Variants in MEGF6 observed in about 807,000 individuals in gnomAD.
MEGF6 encodes multiple epidermal growth factor-like domains protein 6.
In MEGF6, 184 loss-of-function variants were observed where a neutral mutation model predicts 207.1. The ratio of observed to expected loss-of-function variants is 0.89; its 90% CI spans 0.79 to 1.00. The LOEUF (loss-of-function observed/expected upper bound fraction) is 1.00, where lower values mean the gene tolerates loss of function less well. Ranked by LOEUF, MEGF6 falls within the 50% of genes least tolerant of loss-of-function variation. The pLI, the probability that MEGF6 is intolerant of heterozygous loss-of-function variation, is 0.00. For synonymous variants in MEGF6, 1,038 were observed against 910.0 expected (o/e 1.14, Z -2.53); for missense variants, 2,282 against 2,202.9 (o/e 1.04, Z -0.72).
chr1:3,543,565 C>A (rs1642598897), intron 4 of MEGF6, among the ~76,000 whole-genome samples: 1 of 152,210 alleles, frequency 6.6e-6, no homozygotes, highest in Non-Finnish European at 1.5e-5. Flanking sequence ...GGGGTGAGAA[C>A]CCCCGGGCGG....
At chr1:3,534,120 C>A (rs989885815) in intron 4 of MEGF6, among the ~76,000 whole-genome samples, 2 of 152,120 alleles carry the variant, frequency 1.3e-5, no homozygotes, top group African/African-American at 4.8e-5. Context: ...TACGGCCAGC[C>A]GGAGCCCACA....
At chr1:3,493,317 C>G (rs1031957411) in intron 34 of MEGF6, 1 of 228,898 alleles carries the variant, frequency 4.4e-6, no homozygotes, top group Non-Finnish European at 8.7e-6. Context: ...GTGGGTCCCT[C>G]CTATCCTCAG....
chr1:3,593,492 C>A (rs866323851), intron 3 of MEGF6, among the ~76,000 whole-genome samples: 1 of 146,598 alleles, frequency 6.8e-6, no homozygotes, highest in Non-Finnish European at 1.5e-5. Flanking sequence ...GCCATTCATG[C>A]GGCTGTGCCT....
intron 4 of MEGF6, among the ~76,000 whole-genome samples, chr1:3,553,751 G>T (rs955248059): frequency 1.3e-5 from 2 of 152,198 alleles, no homozygotes; most frequent in African/African-American, 4.8e-5. Flanking sequence ...GGAGAGGCAG[G>T]GCAGCGGCAG....
At chr1:3,505,128 C>A in intron 17 of MEGF6, 80 bp downstream of exon 17, 1 of 1,556,742 alleles carries the variant, frequency 6.4e-7, no homozygotes, top group Non-Finnish European at 8.7e-7. Flanking sequence ...TGCAGCCCTT[C>A]TGAAGCCTAC....
intron 4 of MEGF6, among the ~76,000 whole-genome samples, chr1:3,529,648 C>A (rs922368497): frequency 1.3e-5 from 2 of 152,340 alleles, no homozygotes; most frequent in Admixed American, 6.5e-5. Flanking sequence ...TCACCAGGAG[C>A]CTGGCGAGAC....
At chr1:3,595,047 C>T (rs1035060128) in intron 3 of MEGF6, among the ~76,000 whole-genome samples, 3 of 152,114 alleles carry the variant, frequency 2.0e-5, no homozygotes, top group African/African-American at 7.2e-5. Flanking sequence ...CAATGCATGG[C>T]CCCAGGAAAC....
chr1:3,509,730 T>C (rs1641262043), intron 11 of MEGF6, 140 bp downstream of exon 11: 1 of 1,153,506 alleles, frequency 8.7e-7, no homozygotes, highest in Non-Finnish European at 1.2e-6. Flanking sequence ...GCCTCTGAGG[T>C]GTGTTGGCCC....
At chr1:3,517,492 G>A (rs570348287) in intron 5 of MEGF6, among the ~76,000 whole-genome samples, 98 of 152,346 alleles carry the variant, frequency 6.4e-4, no homozygotes, top group African/African-American at 2.2e-3. Context: ...GCCCAGTGTC[G>A]TCGCATATAT....
At chr1:3,490,694 G>T in intron 36 of MEGF6, 105 bp from the exon 37 acceptor site, 1 of 1,056,100 alleles carries the variant, frequency 9.5e-7, no homozygotes, top group Non-Finnish European at 1.3e-6. Flanking sequence ...CCCTTCAGCA[G>T]CTCAGCCCAG....
chr1:3,524,098 A>G, intron 5 of MEGF6, 26 bp downstream of exon 5: 6 of 1,606,914 alleles, frequency 3.7e-6, no homozygotes, highest in African/African-American at 1.3e-5. Flanking sequence ...CCAGGAGCCC[A>G]GGCAGGGTCT....
intron 1 of MEGF6, among the ~76,000 whole-genome samples, chr1:3,610,381 G>A (rs1282463121): frequency 6.6e-6 from 1 of 152,188 alleles, no homozygotes; most frequent in African/African-American, 2.4e-5. Context: ...CGGGGAGGCT[G>A]TCAGACAGGA....
chr1:3,527,799 G>A (rs543563128), intron 4 of MEGF6, among the ~76,000 whole-genome samples: 18 of 152,278 alleles, frequency 1.2e-4, no homozygotes, highest in African/African-American at 4.1e-4. Context: ...CCCCGAGAGG[G>A]TCTCTGAAAA....
At chr1:3,577,727 T>C (rs1331534643) in intron 4 of MEGF6, among the ~76,000 whole-genome samples, 1 of 152,148 alleles carries the variant, frequency 6.6e-6, no homozygotes, top group Non-Finnish European at 1.5e-5. Context: ...GCAGGGAACC[T>C]GAGTGCACCC....
rs79544802 is a variant in MEGF6 at position 3,590,981 on chromosome 1, G to A, written c.376+4357C>T. Among the ~76,000 whole-genome samples the A allele has an allele frequency of 9.6e-3, 1,426 of 148,864 alleles. 34 individuals carry two copies. The East Asian group carries it at 0.12, about 13-fold the overall frequency. ...AGCAGGGAGGACCCTGGCTGGGCGC[G>A]GCCCCAGTGCCCACAGGCACACTGG... On this transcript the variant is annotated intron_variant, in intron 3 of 36. Transcript: ENST00000356575.
chr1:3,592,314 G>GC lies in MEGF6; in HGVS notation c.376+3023dup, dbSNP rs1159682667. ...GGGGAGGTCCAAAAGCCTTGGCCAG[G>GC]CCCCCCGCTGACCCTGACTCACTGC... On this transcript the variant is annotated intron_variant, in intron 3 of 36. Transcript: ENST00000356575. Among the ~76,000 whole-genome samples, 10 of 152,254 alleles carry GC rather than the reference G, an allele frequency of 6.6e-5. No homozygotes were observed. In the East Asian group the frequency reaches 1.9e-3, roughly 29 times the overall value.
At chr1:3,505,627 C>T in intron 15 of MEGF6, 71 bp from the exon 16 acceptor site, 1 of 1,463,482 alleles carries the variant, frequency 6.8e-7, no homozygotes, top group South Asian at 1.4e-5. Context: ...TCCACCAGCC[C>T]TGGGTCAGCC....
At chr1:3,541,615 G>A (rs1642524147) in intron 4 of MEGF6, among the ~76,000 whole-genome samples, 1 of 152,116 alleles carries the variant, frequency 6.6e-6, no homozygotes, top group Non-Finnish European at 1.5e-5. Context: ...GCCCGAGGGG[G>A]GCAGCCGGTC....
intron 2 of MEGF6, among the ~76,000 whole-genome samples, chr1:3,598,701 C>T (rs1029590011): frequency 7.1e-6 from 1 of 141,462 alleles, no homozygotes; most frequent in African/African-American, 2.7e-5. Flanking sequence ...GGGCGGGGGT[C>T]GTCATGGTAA....
Sources: gnomAD v4.1 joint callset for allele counts (sites outside exome capture counted in the v4.1 genomes callset) on GRCh38, gnomAD v4.1.1 for gene constraint, MANE v1.5 for transcripts, NCBI Gene and HGNC (gene_info 2026-07-23, HGNC 2026-07-21) for gene names.